XXYLT1: variants seen among roughly 807,000 people sequenced by gnomAD.
XXYLT1 encodes xyloside xylosyltransferase 1.
XXYLT1 carries 20 observed loss-of-function variants against 28.9 expected under a neutral mutation model. The ratio of observed to expected loss-of-function variants is 0.69; its 90% CI spans 0.49 to 1.00. XXYLT1 has a LOEUF of 1.00. Ranked by LOEUF, XXYLT1 falls within the 50% of genes least tolerant of loss-of-function variation. The pLI is 0.00. For synonymous variants in XXYLT1, 257 were observed against 253.8 expected, an observed-to-expected ratio of 1.01 and a Z score of -0.12; for missense variants, 542 against 560.1, an observed-to-expected ratio of 0.97 and a Z score of 0.33.
intron 3 of XXYLT1, among the ~76,000 whole-genome samples, chr3:195,107,778 G>A (rs1717232601): frequency 1.3e-5 from 2 of 151,882 alleles, no homozygotes; most frequent in Admixed American, 6.6e-5. Context: ...CAGCCCCTCA[G>A]TGTTCGGAAT....
At chr3:195,188,895 A>C (rs1240537375) in intron 2 of XXYLT1, among the ~76,000 whole-genome samples, 1 of 152,252 alleles carries the variant, frequency 6.6e-6, no homozygotes, top group Non-Finnish European at 1.5e-5. Context: ...GCAGCCTCAT[A>C]CAGTAACATC....
intron 3 of XXYLT1, among the ~76,000 whole-genome samples, chr3:195,120,978 G>A (rs973420674): frequency 6.6e-6 from 1 of 152,230 alleles, no homozygotes; most frequent in African/African-American, 2.4e-5. Flanking sequence ...TCACAGGCAG[G>A]AGAGTGTGAG....
intron 1 of XXYLT1, chr3:195,259,484 G>T: frequency 1.4e-6 from 1 of 721,942 alleles, no homozygotes; most frequent in Non-Finnish European, 1.7e-6. Flanking sequence ...TGTGAGGAAG[G>T]GCAGCAGGGA....
At chr3:195,183,475 C>A (rs1722042955) in intron 2 of XXYLT1, 1 of 152,152 alleles carries the variant, frequency 6.6e-6, no homozygotes, top group East Asian at 1.9e-4. Flanking sequence ...TTATAAATTA[C>A]CCAGTCTCGG....
In XXYLT1 at chr3:195,168,116, G is replaced by T. The variant is rs115041812; in HGVS notation, c.653-11535C>A. On this transcript the variant is annotated intron_variant, in intron 2 of 3. Coordinates refer to ENST00000310380, the MANE Select transcript of XXYLT1 (RefSeq NM_152531.5). This position sits in a 1 kb window ranked among gnomAD's most constrained non-coding sequence, Gnocchi z 4.3. ...GTAGGTAGGGCCCTGGGATAGAGCC[G>T]TGGCTCACCGGCCTGGCTATGGCAC... is the stretch of plus-strand genomic sequence containing the variant. 6.6e-6 allele frequency among the ~76,000 whole-genome samples: 1 copy of T among 152,172 alleles called. No individual in the cohort carries two copies. Among genetic ancestry groups the T allele is most frequent in the Non-Finnish European group, 1.5e-5 (1 of 68,034 alleles).
chr3:195,082,150 ATCTGGGTGGTTTCCAATTATGGGACC>A (rs1486608294), intron 3 of XXYLT1, among the ~76,000 whole-genome samples: 2 of 152,202 alleles, frequency 1.3e-5, no homozygotes, highest in African/African-American at 4.8e-5. Flanking sequence ...AGTGTGGGGC[ATCTGGGTGGTTTCCAATTATGGGACC>A]TCAGCAGTGT....
intron 2 of XXYLT1, among the ~76,000 whole-genome samples, chr3:195,165,718 G>A (rs957094944): frequency 9.2e-5 from 14 of 152,094 alleles, no homozygotes; most frequent in South Asian, 2.1e-4. Context: ...AAAATGTCAC[G>A]TTATATTGGT....
At position 195,076,712 on chromosome 3, in the gene XXYLT1, G is replaced by A. The variant is rs375439446; in HGVS notation, c.786-6601C>T. Among the ~76,000 whole-genome samples, 307 of 152,234 alleles carry A rather than the reference G, an allele frequency of 2.0e-3. 1 individual carries two copies. The highest frequency in any genetic ancestry group is 7.2e-3 in the African/African-American group (297 of 41,532). On this transcript the variant is annotated intron_variant, in intron 3 of 3. Coordinates refer to ENST00000310380, the MANE Select transcript of XXYLT1 (RefSeq NM_152531.5). The surrounding 1 kb of genome is among the most constrained non-coding windows in gnomAD (Gnocchi z 5.3). ...AGGGTCTGTTCCAGGCGCTCCCCTC[G>A]CTCCTGGTGGCTTGCTGGCAGTCTG...
chr3:195,075,982 G>A (rs7630743), intron 3 of XXYLT1, among the ~76,000 whole-genome samples: 14 of 151,998 alleles, frequency 9.2e-5, no homozygotes, highest in Non-Finnish European at 1.8e-4. Flanking sequence ...ACCCTGTGGG[G>A]AGGCACACCG....
In XXYLT1 at chr3:195,069,916, G is replaced by T; in HGVS notation, c.981C>A (p.His327Gln). Residue 327 changes from histidine (H) to glutamine (Q), a missense_variant, in exon 4 of 4, where the codon CAC (histidine) becomes CAA (glutamine). His to Gln is a conservative substitution (Grantham distance 24). Coordinates refer to ENST00000310380, the MANE Select transcript of XXYLT1 (RefSeq NM_152531.5). ...QLADKYHFRGHLGDQDFFTMI... is the reference protein window; with the variant it reads ...QLADKYHFRGQLGDQDFFTMI... ...TGGTGAAGAAGTCCTGGTCCCCGAGGTGGCCGCGGAAGTGGTACTTGTCGG... is the reference window on the plus strand; with the variant it reads ...TGGTGAAGAAGTCCTGGTCCCCGAGTTGGCCGCGGAAGTGGTACTTGTCGG... The T allele has an allele frequency of 1.9e-6, 3 of 1,613,880 alleles. No individual in the cohort carries two copies. The highest frequency in any genetic ancestry group is 2.2e-5 in the South Asian group (2 of 91,092).
chr3:195,119,040 A>G (rs1718195440), intron 3 of XXYLT1, among the ~76,000 whole-genome samples: 1 of 152,054 alleles, frequency 6.6e-6, no homozygotes. Flanking sequence ...CACTCTGGGA[A>G]GCCAGGGCGG....
At chr3:195,253,509 T>C (rs537614020) in intron 1 of XXYLT1, among the ~76,000 whole-genome samples, 51 of 150,338 alleles carry the variant, frequency 3.4e-4, no homozygotes, top group African/African-American at 8.3e-4. Context: ...TTTTCTTTTT[T>C]TTTTTTTTTT....
chr3:195,113,731 C>A (rs1243361376), intron 3 of XXYLT1, among the ~76,000 whole-genome samples: 1 of 152,188 alleles, frequency 6.6e-6, no homozygotes, highest in African/African-American at 2.4e-5. Context: ...GCCTGCACAG[C>A]ACCCACAGGA....
At chr3:195,121,877 C>G in intron 3 of XXYLT1, 1 of 605,864 alleles carries the variant, frequency 1.7e-6, no homozygotes, top group East Asian at 2.8e-5. Context: ...CAAGTCATCT[C>G]TAAAGGCATC....
chr3:195,153,140 C>T (rs746597063), intron 3 of XXYLT1, among the ~76,000 whole-genome samples: 8 of 152,250 alleles, frequency 5.3e-5, no homozygotes, highest in Non-Finnish European at 1.2e-4. Context: ...CCCTTCCATT[C>T]CCATCCTCTT....
At chr3:195,136,736 G>A (rs1050014752) in intron 3 of XXYLT1, among the ~76,000 whole-genome samples, 5 of 152,156 alleles carry the variant, frequency 3.3e-5, no homozygotes, top group Non-Finnish European at 7.3e-5. Context: ...GGTGAAGTGG[G>A]CAGCTCACAG....
intron 2 of XXYLT1, among the ~76,000 whole-genome samples, chr3:195,205,392 A>G (rs1723028685): frequency 1.3e-5 from 2 of 152,228 alleles, no homozygotes; most frequent in African/African-American, 4.8e-5. Context: ...TATGTTGAGA[A>G]AAAAGGCCTA....
intron 3 of XXYLT1, among the ~76,000 whole-genome samples, chr3:195,088,035 A>G (rs1715851879): frequency 6.6e-6 from 1 of 151,658 alleles, no homozygotes; most frequent in African/African-American, 2.4e-5. Flanking sequence ...GGAGGGTCCT[A>G]CCCCACGGAG....
At chr3:195,247,920 C>T (rs370228977) in intron 1 of XXYLT1, 7 of 635,270 alleles carry the variant, frequency 1.1e-5, no homozygotes, top group East Asian at 8.9e-5. Flanking sequence ...CTGACTCTCA[C>T]GAGAAGAGCA....
Sources: gnomAD v4.1 joint callset for allele counts (sites outside exome capture counted in the v4.1 genomes callset) on GRCh38, gnomAD v4.1.1 for gene constraint, Gnocchi (gnomAD v3.1) non-coding constraint, MANE v1.5 for transcripts, NCBI Gene and HGNC (gene_info 2026-07-23, HGNC 2026-07-21) for gene names.